The following FBXO34 variants were observed in gnomAD, a reference collection of about 807,000 sequenced individuals.
FBXO34 encodes F-box only protein 34.
A neutral mutation model predicts 24.5 loss-of-function variants in FBXO34; 12 were observed. That is an observed-to-expected ratio of 0.49 (90% CI 0.31 to 0.79). The LOEUF (loss-of-function observed/expected upper bound fraction) is 0.79, where lower values mean the gene tolerates loss of function less well. FBXO34 is among the 30% of genes least tolerant of loss of function. FBXO34 has a pLI of 0.04. For synonymous variants in FBXO34, 320 were observed against 311.9 expected, an observed-to-expected ratio of 1.03 and a Z score of -0.27; for missense variants, 823 against 857.7, an observed-to-expected ratio of 0.96 and a Z score of 0.51.
the FBXO34 span, among the ~76,000 whole-genome samples, chr14:55,376,018 T>C: frequency 6.6e-6 from 1 of 152,232 alleles, no homozygotes; most frequent in Admixed American, 6.5e-5. Flanking sequence ...TTGGCATCTA[T>C]CAGGTCGATC....
At chr14:55,397,615 C>T in the FBXO34 span, among the ~76,000 whole-genome samples, 2 of 152,306 alleles carry the variant, frequency 1.3e-5, 1 homozygote, top group African/African-American at 4.8e-5. Context: ...TCTTTTAAAA[C>T]TAAGCTCAAA....
chr14:55,296,382 G>GTTT lies in FBXO34; in HGVS notation c.-11+24851_-11+24853dup, dbSNP rs1285557004. Among the ~76,000 whole-genome samples, 785 of 95,624 alleles carry GTTT rather than the reference G, an allele frequency of 8.2e-3. 55 individuals are homozygous for GTTT. The highest frequency in any genetic ancestry group is 0.01 in the Non-Finnish European group (472 of 46,732). The allele number at this position is 95,624 out of a possible 152,430, so 62.7% of individuals were successfully genotyped here. A position where few individuals can be genotyped will look rare whatever the true frequency, so the allele number is the denominator to read the frequency against. On this transcript the variant is annotated intron_variant, in intron 1 of 1. Coordinates refer to ENST00000313833, the MANE Select transcript of FBXO34 (RefSeq NM_017943.4). ...AGTGGGTAGGTTTTGCTGTTCTTGT[G>GTTT]TTTTTTTTGTTTTTTTTTTTTTTTT...
chr14:55,369,281 A>ATATCTATC (rs146474280), downstream of FBXO34: 1 of 185,862 alleles, frequency 5.4e-6, no homozygotes, highest in African/African-American at 2.3e-5. Context: ...ACACTGACCC[A>ATATCTATC]TATCTGTGGG....
At chr14:55,305,714 G>A (rs371459657) in intron 1 of FBXO34, among the ~76,000 whole-genome samples, 23 of 151,846 alleles carry the variant, frequency 1.5e-4, no homozygotes, top group East Asian at 1.2e-3. Flanking sequence ...AGTCGTACAG[G>A]TGAGGGGGAA....
chr14:55,353,469 G>T lies in FBXO34; in HGVS notation c.*943G>T, dbSNP rs117256830. 1,271 of 167,062 alleles carry T rather than the reference G, an allele frequency of 7.6e-3. 38 individuals are homozygous for T. The highest frequency in any genetic ancestry group is 0.052 in the Admixed American group (791 of 15,296). The allele number at this position is 167,062 out of a possible 1,614,324, so 10.3% of individuals were successfully genotyped here. A position where few individuals can be genotyped will look rare whatever the true frequency, so the allele number is the denominator to read the frequency against. On this transcript the variant is annotated 3_prime_UTR_variant, in exon 2 of 2. Transcript: ENST00000313833. ...ACTGGACAACCTGAAAATTAGCATA[G>T]AAAACAATCCTTTGTTATATTTTAG...
rs541846051 is a variant in FBXO34, at chr14:55,352,766, T to C, written c.*240T>C. 1.5e-5 allele frequency: 7 copies of C among 451,968 alleles called. No homozygotes were observed. Among genetic ancestry groups the C allele is most frequent in the Admixed American group, 8.1e-5 (2 of 24,768 alleles). 28.0% of individuals were successfully genotyped at this position (451,968 alleles called of 1,614,324 possible). On this transcript the variant is annotated 3_prime_UTR_variant, in exon 2 of 2. Transcript: ENST00000313833. ...GGTGGTATCCCACAGTTGGATTCAG[T>C]TGGCTGTGAATAACTGCCTGTTTTC...
At chr14:55,348,043 G>T (rs17741825) in intron 1 of FBXO34, among the ~76,000 whole-genome samples, 8,857 of 152,242 alleles carry the variant, frequency 0.058, 326 homozygotes, top group South Asian at 0.089. Context: ...TGAATTCTGG[G>T]TAGCTCTATT....
chr14:55,442,771 T>C, the FBXO34 span, among the ~76,000 whole-genome samples: 1 of 152,214 alleles, frequency 6.6e-6, no homozygotes, highest in African/African-American at 2.4e-5. Context: ...GCTCTTAATT[T>C]TGTTATTAGA....
At position 55,298,536 on chromosome 14, in the gene FBXO34, ACTT is replaced by A. The variant is rs1326181729; in HGVS notation, c.-11+27003_-11+27005del. 3 of 618,160 alleles carry A rather than the reference ACTT, an allele frequency of 4.9e-6. No homozygotes were observed. In the Admixed American group the frequency reaches 8.9e-5, roughly 18 times the overall value. The allele number at this position is 618,160 out of a possible 1,614,324, so 38.3% of individuals were successfully genotyped here. ...TTTATCCTACCCCTACATTTGACCTACTTCTTGTCCTCATCTTTGAAAAAAGCA... is the reference window on the plus strand; with the variant it reads ...TTTATCCTACCCCTACATTTGACCTACTTGTCCTCATCTTTGAAAAAAGCA... On this transcript the variant is annotated intron_variant, in intron 1 of 1. Coordinates refer to ENST00000313833, the MANE Select transcript of FBXO34 (RefSeq NM_017943.4).
At chr14:55,295,340 T>C (rs759692198) in intron 1 of FBXO34, among the ~76,000 whole-genome samples, 73 of 152,122 alleles carry the variant, frequency 4.8e-4, no homozygotes, top group Non-Finnish European at 8.8e-4. Flanking sequence ...ATTTTATGTA[T>C]ATTATCTATT....
downstream of FBXO34, among the ~76,000 whole-genome samples, chr14:55,374,781 C>T (rs1884887828): frequency 6.6e-6 from 1 of 152,204 alleles, no homozygotes; most frequent in African/African-American, 2.4e-5. Context: ...TTATCTGATT[C>T]AACGCCTCCT....
the FBXO34 span, among the ~76,000 whole-genome samples, chr14:55,417,642 G>A: frequency 6.6e-6 from 1 of 152,030 alleles, no homozygotes; most frequent in Non-Finnish European, 1.5e-5. Flanking sequence ...TCTATTTTCA[G>A]TAGAGATGGG....
the FBXO34 span, among the ~76,000 whole-genome samples, chr14:55,397,940 A>ATT: frequency 7.3e-6 from 1 of 136,834 alleles, no homozygotes; most frequent in Non-Finnish European, 1.5e-5. Context: ...CATTGCAGTA[A>ATT]TTCTTTTTTT....
chr14:55,351,487 G>A lies in FBXO34; in HGVS notation c.1097G>A (p.Trp366Ter). Residue 366 changes from tryptophan (W) to a stop codon, truncating the protein, a stop_gained, in exon 2 of 2, where the codon TGG becomes TAG. Coordinates refer to ENST00000313833, the MANE Select transcript of FBXO34 (RefSeq NM_017943.4). LOFTEE classifies it low-confidence loss of function (END_TRUNC). ...TGTTCTCCTAAGGAGGACCAGGCCT[G>A]GGACGGTGCTTCTCAGGACTGCCCC... Reference protein sequence around the residue: ...DRCSPKEDQAWDGASQDCPPL... With the variant: ...DRCSPKEDQA 1 of 1,614,168 alleles carries A rather than the reference G, an allele frequency of 6.2e-7. No individual in the cohort carries two copies. Among genetic ancestry groups the A allele is most frequent in the Non-Finnish European group, 8.5e-7 (1 of 1,180,032 alleles).
chr14:55,415,612 C>A, the FBXO34 span, among the ~76,000 whole-genome samples: 8 of 152,006 alleles, frequency 5.3e-5, no homozygotes, highest in African/African-American at 1.9e-4. Context: ...CACCTGTAAT[C>A]CCAGCACTTT....
At chr14:55,440,642 C>T in the FBXO34 span, 4 of 1,336,722 alleles carry the variant, frequency 3.0e-6, no homozygotes, top group African/African-American at 1.5e-5. Flanking sequence ...GAGCGGGATG[C>T]GGAACCCAGC....
intron 1 of FBXO34, among the ~76,000 whole-genome samples, chr14:55,305,710 A>T (rs1174207009): frequency 1.3e-5 from 2 of 152,068 alleles, no homozygotes; most frequent in African/African-American, 4.8e-5. Flanking sequence ...CAGGAGTCGT[A>T]CAGGTGAGGG....
chr14:55,271,610 C>T (rs1881145816), intron 1 of FBXO34, 73 bp downstream of exon 1: 1 of 148,032 alleles, frequency 6.8e-6, no homozygotes. Context: ...ACCGTGGCCG[C>T]TCCCCGCCCC....
chr14:55,276,818 T>C (rs1388407359), intron 1 of FBXO34, among the ~76,000 whole-genome samples: 2 of 152,216 alleles, frequency 1.3e-5, no homozygotes, highest in Non-Finnish European at 2.9e-5. Flanking sequence ...CGGATATAGC[T>C]TCCCACAGTA....
Sources: gnomAD v4.1 joint callset for allele counts (sites outside exome capture counted in the v4.1 genomes callset) on GRCh38, gnomAD v4.1.1 for gene constraint, MANE v1.5 for transcripts, NCBI Gene and HGNC (gene_info 2026-07-23, HGNC 2026-07-21) for gene names.